Variants in MOB1A observed in about 807,000 individuals in gnomAD.
The protein encoded by MOB1A is MOB kinase activator 1A.
In MOB1A, 10 loss-of-function variants were observed where a neutral mutation model predicts 25.1. That is an observed-to-expected ratio of 0.40 (90% CI 0.25 to 0.68). The LOEUF (loss-of-function observed/expected upper bound fraction) is 0.68, where lower values mean the gene tolerates loss of function less well. MOB1A is among the 30% of genes least tolerant of loss of function. The pLI, the probability that MOB1A is intolerant of heterozygous loss-of-function variation, is 0.40. For missense variants in MOB1A, 177 were observed against 256.3 expected, an observed-to-expected ratio of 0.69 and a Z score of 2.11; for synonymous variants, 81 against 79.5, an observed-to-expected ratio of 1.02 and a Z score of -0.10.
At chr2:74,161,827 CG>C (rs1692982056) in intron 4 of MOB1A, among the ~76,000 whole-genome samples, 1 of 151,768 alleles carries the variant, frequency 6.6e-6, no homozygotes, top group Non-Finnish European at 1.5e-5. Context: ...TGGTGGCACA[CG>C]TGCCTGTGGT....
chr2:74,172,961 C>A lies in MOB1A; in HGVS notation c.15-209G>T, dbSNP rs1558838491. On this transcript the variant is annotated intron_variant, in intron 1 of 5. Coordinates refer to ENST00000396049, the MANE Select transcript of MOB1A (RefSeq NM_018221.5). The stretch of plus-strand genomic sequence containing the variant: ...GACCAGCCTGACCAACATGGTGAAA[C>A]CACACGTCTACTAAAAATACAAAAA... 8.8e-6 allele frequency: 5 copies of A among 565,630 alleles called. No individual in the cohort carries two copies. The East Asian group carries it at 9.8e-5, about 11-fold the overall frequency. The allele number at this position is 565,630 out of a possible 1,614,324, so 35.0% of individuals were successfully genotyped here. A position where few individuals can be genotyped will look rare whatever the true frequency, so the allele number is the denominator to read the frequency against.
rs139525402 is a variant in MOB1A at position 74,169,010 on chromosome 2, C to T, written c.182-1903G>A. ...GCACAATGGTGTTTTCCAGAGGCTC[C>T]ATGATGTGTAATATCACAACAGACT... On this transcript the variant is annotated intron_variant, in intron 2 of 5. Transcript: ENST00000396049. Among the ~76,000 whole-genome samples the T allele has an allele frequency of 2.5e-4, 38 of 152,250 alleles. 2 individuals carry two copies. The highest frequency in any genetic ancestry group is 8.9e-4 in the African/African-American group (37 of 41,538).
chr2:74,160,341 A>G (rs1487015534), intron 4 of MOB1A, among the ~76,000 whole-genome samples: 1 of 152,120 alleles, frequency 6.6e-6, no homozygotes, highest in Non-Finnish European at 1.5e-5. Flanking sequence ...AAAAGAAGAA[A>G]TTACATACAT....
At chr2:74,177,908 G>C (rs1227528039) in intron 1 of MOB1A, 1 of 152,136 alleles carries the variant, frequency 6.6e-6, no homozygotes, top group African/African-American at 2.4e-5. Context: ...AGCCTTGTTT[G>C]GTTGGGCTCA....
chr2:74,167,544 G>A (rs796405612), intron 2 of MOB1A, among the ~76,000 whole-genome samples: 11 of 152,228 alleles, frequency 7.2e-5, no homozygotes, highest in African/African-American at 2.6e-4. Flanking sequence ...CTAACTTAAC[G>A]ATGACTATTA....
At chr2:74,161,588 G>A (rs1353035041) in intron 4 of MOB1A, among the ~76,000 whole-genome samples, 1 of 150,970 alleles carries the variant, frequency 6.6e-6, no homozygotes, top group Non-Finnish European at 1.5e-5. Context: ...GGCGGAGCTT[G>A]CAGTGTGCTG....
chr2:74,170,245 T>A (rs1426594333), intron 2 of MOB1A, among the ~76,000 whole-genome samples: 2 of 151,628 alleles, frequency 1.3e-5, no homozygotes, highest in Middle Eastern at 3.2e-3. Flanking sequence ...GGGAAGTGAT[T>A]CTCCTGCCTC....
At chr2:74,178,585 C>G in intron 1 of MOB1A, 76 bp downstream of exon 1, 1 of 1,143,360 alleles carries the variant, frequency 8.7e-7, no homozygotes, top group Non-Finnish European at 1.1e-6. Context: ...AGGCCGAGCC[C>G]TCGCCTCAGG....
At chr2:74,175,169 G>A (rs1181015262) in intron 1 of MOB1A, among the ~76,000 whole-genome samples, 5 of 152,164 alleles carry the variant, frequency 3.3e-5, no homozygotes, top group African/African-American at 1.2e-4. Context: ...GTGCATGCAA[G>A]GGATCTAAAT....
At chr2:74,177,669 TAA>T (rs139471838) in intron 1 of MOB1A, among the ~76,000 whole-genome samples, 2 of 147,928 alleles carry the variant, frequency 1.4e-5, no homozygotes, top group African/African-American at 4.9e-5. Context: ...TTATAAAAAA[TAA>T]AAAAAAAACT....
intron 4 of MOB1A, among the ~76,000 whole-genome samples, chr2:74,161,014 G>A (rs948800865): frequency 2.6e-5 from 4 of 151,106 alleles, no homozygotes; most frequent in African/African-American, 9.7e-5. Context: ...AGCCAAGATT[G>A]CCGCCACTGC....
intron 4 of MOB1A, among the ~76,000 whole-genome samples, chr2:74,161,956 C>CA (rs964614639): frequency 2.1e-4 from 31 of 145,574 alleles, no homozygotes; most frequent in East Asian, 6.0e-4. Context: ...GAGTCTGTCT[C>CA]AAAAAAAAAA....
chr2:74,169,843 G>A (rs1693236079), intron 2 of MOB1A, among the ~76,000 whole-genome samples: 1 of 152,148 alleles, frequency 6.6e-6, no homozygotes, highest in Middle Eastern at 3.4e-3. Context: ...TGCCTAGGCT[G>A]GTCTCGAACT....
intron 1 of MOB1A, chr2:74,178,010 A>T (rs1693526036): frequency 9.6e-6 from 1 of 104,532 alleles, no homozygotes; most frequent in African/African-American, 5.2e-5. Context: ...CTGCAATGGG[A>T]CTATGAATTT....
rs182886702 is a variant in MOB1A, at chr2:74,161,418, C to A, written c.410-2164G>T. On this transcript the variant is annotated intron_variant, in intron 4 of 5. Transcript: ENST00000396049. ...CAGCACTTTGGGAGGCCGAGGCGGG[C>A]GGATCATGAGGTCAGGAGATCGAGA... Among the ~76,000 whole-genome samples, 8 of 148,100 alleles carry A rather than the reference C, an allele frequency of 5.4e-5. No homozygotes were observed. In the East Asian group the frequency reaches 8.3e-4, roughly 15 times the overall value.
chr2:74,169,833 T>G (rs1254478427), intron 2 of MOB1A, among the ~76,000 whole-genome samples: 3 of 152,062 alleles, frequency 2.0e-5, no homozygotes, highest in Non-Finnish European at 4.4e-5. Flanking sequence ...TTCACCATGT[T>G]GCCTAGGCTG....
At chr2:74,173,156 CT>C (rs1175939383) in intron 1 of MOB1A, 3 of 514,870 alleles carry the variant, frequency 5.8e-6, no homozygotes, top group East Asian at 5.5e-5. Flanking sequence ...AAAACACTCT[CT>C]GAAAAATGCC....
intron 5 of MOB1A, 92 bp from the exon 6 acceptor site, chr2:74,156,737 T>C (rs1441952821): frequency 1.2e-6 from 1 of 835,398 alleles, no homozygotes; most frequent in African/African-American, 1.7e-5. Flanking sequence ...ACTCTAGTTT[T>C]CTGAAGTCCA....
At chr2:74,158,769 A>AC (rs746556323) in intron 5 of MOB1A, among the ~76,000 whole-genome samples, 54 of 132,008 alleles carry the variant, frequency 4.1e-4, no homozygotes, top group Admixed American at 6.7e-4. Context: ...ACAGAGTGAG[A>AC]CCCTGTCTCA....
Sources: gnomAD v4.1 joint callset for allele counts (sites outside exome capture counted in the v4.1 genomes callset) on GRCh38, gnomAD v4.1.1 for gene constraint, MANE v1.5 for transcripts, NCBI Gene and HGNC (gene_info 2026-07-23, HGNC 2026-07-21) for gene names.